SYT9: variants seen among roughly 807,000 people sequenced by gnomAD.
The protein encoded by SYT9 is synaptotagmin 9, also known as synaptotagmin-9.
Under a neutral mutation model 48.4 loss-of-function variants are expected in SYT9, and 22 were observed. The observed-to-expected ratio is 0.45, with a 90% CI of 0.32 to 0.65. The LOEUF (loss-of-function observed/expected upper bound fraction) is 0.65, where lower values mean the gene tolerates loss of function less well. Among genes scored for constraint, SYT9 ranks in the 30% least tolerant of loss-of-function variants. The pLI is 0.03. For missense variants in SYT9, 577 were observed against 622.0 expected, an observed-to-expected ratio of 0.93 and a Z score of 0.77; for synonymous variants, 265 against 245.0, an observed-to-expected ratio of 1.08 and a Z score of -0.76.
At chr11:7,424,105 C>A (rs781535689) in intron 6 of SYT9, among the ~76,000 whole-genome samples, 1 of 152,148 alleles carries the variant, frequency 6.6e-6, no homozygotes, top group Non-Finnish European at 1.5e-5. Context: ...AAACTCTGAG[C>A]CCTGCAGAGA....
chr11:7,340,860 G>C (rs1282321449), intron 3 of SYT9, among the ~76,000 whole-genome samples: 2 of 152,258 alleles, frequency 1.3e-5, no homozygotes, highest in Admixed American at 1.3e-4. Flanking sequence ...CCAGTGAGGA[G>C]ATACAGGATT....
At chr11:7,240,106 G>T (rs573028462) in intron 1 of SYT9, among the ~76,000 whole-genome samples, 1 of 152,242 alleles carries the variant, frequency 6.6e-6, no homozygotes, top group African/African-American at 2.4e-5. Flanking sequence ...TCAGGTAGAA[G>T]AGGGGAAGCC....
At chr11:7,348,051 T>A (rs1589962349) in intron 3 of SYT9, among the ~76,000 whole-genome samples, 1 of 152,228 alleles carries the variant, frequency 6.6e-6, no homozygotes, top group Non-Finnish European at 1.5e-5. Context: ...TCCTGAATAC[T>A]TGGATTTTAT....
In SYT9 at chr11:7,252,064, C is replaced by T; in HGVS notation, c.-123C>T. The T allele has an allele frequency of 8.6e-7, 1 of 1,161,880 alleles. No homozygotes were observed. The highest frequency in any genetic ancestry group is 1.1e-6 in the Non-Finnish European group (1 of 899,078). 72.0% of individuals were successfully genotyped at this position (1,161,880 alleles called of 1,614,324 possible). On this transcript the variant is annotated 5_prime_UTR_variant, in exon 1 of 7. Transcript: ENST00000318881. This position sits in a 1 kb window ranked among gnomAD's most constrained non-coding sequence, Gnocchi z 6.3. ...CTGGGGCTCGGGCTCAGGCTCGCAC[C>T]GTTTCTCGGCAGGTCCCTGGCGGTG...
intron 1 of SYT9, among the ~76,000 whole-genome samples, chr11:7,244,368 A>T (rs1847771192): frequency 6.6e-6 from 1 of 152,198 alleles, no homozygotes; most frequent in African/African-American, 2.4e-5. Flanking sequence ...GGCAAAATAG[A>T]GCTGCTCAAT....
intron 3 of SYT9, among the ~76,000 whole-genome samples, chr11:7,340,015 T>A (rs1029613996): frequency 1.3e-5 from 2 of 152,238 alleles, no homozygotes; most frequent in African/African-American, 4.8e-5. Flanking sequence ...ATTTGGCCTG[T>A]TTACATAATC....
At chr11:7,404,013 A>G (rs1462624743) in intron 3 of SYT9, among the ~76,000 whole-genome samples, 1 of 152,184 alleles carries the variant, frequency 6.6e-6, no homozygotes, top group African/African-American at 2.4e-5. Context: ...CTTTATCATA[A>G]TGTAATAGCT....
At chr11:7,428,055 AAAG>A (rs1207343675) in intron 6 of SYT9, 5 of 152,232 alleles carry the variant, frequency 3.3e-5, no homozygotes, top group Admixed American at 1.3e-4. Context: ...CTGTAGAAAA[AAAG>A]AGAGAGAGAC....
intron 6 of SYT9, among the ~76,000 whole-genome samples, chr11:7,431,446 G>A (rs56215410): frequency 0.37 from 55,999 of 152,182 alleles, 10,508 homozygotes; most frequent in Middle Eastern, 0.47. Flanking sequence ...CCGTGTGGCA[G>A]TAAAAGAAAA....
At position 7,313,712 on chromosome 11, in the gene SYT9, A is replaced by C; in HGVS notation, c.815A>C (p.His272Pro). 6.2e-7 allele frequency: 1 copy of C among 1,614,174 alleles called. No individual in the cohort carries two copies. Among genetic ancestry groups the C allele is most frequent in the Non-Finnish European group, 8.5e-7 (1 of 1,180,010 alleles). ...TTGCTTCCTGATCGGAAAACAAAAC[A>C]CCAGACTAAAGTTCACAGAAAGACC... ...IYLLPDRKTK[H>P]QTKVHRKTLN... The change falls in exon 3 of 7, where the codon CAC becomes CCC. Residue 272 changes from histidine to proline, a missense_variant. His to Pro is a moderately conservative substitution (Grantham distance 77). Transcript: ENST00000318881.
chr11:7,322,251 C>T (rs1017547549), intron 3 of SYT9, among the ~76,000 whole-genome samples: 3 of 152,194 alleles, frequency 2.0e-5, no homozygotes, highest in African/African-American at 7.2e-5. Context: ...CTGCTGCCAG[C>T]TTATAGGAGC....
At chr11:7,463,725 T>C (rs568552912) in intron 6 of SYT9, among the ~76,000 whole-genome samples, 2 of 152,260 alleles carry the variant, frequency 1.3e-5, no homozygotes, top group East Asian at 3.9e-4. Context: ...TTAGTGGCGC[T>C]GTCCAGAAGA....
intron 1 of SYT9, among the ~76,000 whole-genome samples, chr11:7,295,780 C>T (rs895126952): frequency 6.6e-6 from 1 of 152,168 alleles, no homozygotes; most frequent in African/African-American, 2.4e-5. Context: ...GTATGCCTGA[C>T]TTCTAGGCTA....
intron 1 of SYT9, among the ~76,000 whole-genome samples, chr11:7,273,781 A>G (rs752027002): frequency 1.2e-3 from 190 of 152,332 alleles, no homozygotes; most frequent in Middle Eastern, 3.4e-3. Context: ...TTTGGAGTTT[A>G]CAGCAAACTA....
chr11:7,420,824 T>C (rs560143573), intron 6 of SYT9, among the ~76,000 whole-genome samples, 189 bp downstream of exon 6: 1 of 152,274 alleles, frequency 6.6e-6, no homozygotes, highest in Admixed American at 6.5e-5. Context: ...ACCAGTCTGG[T>C]AGGTTTTGAG....
intron 1 of SYT9, among the ~76,000 whole-genome samples, chr11:7,275,611 C>G (rs1249088068): frequency 6.6e-6 from 1 of 152,134 alleles, no homozygotes; most frequent in Non-Finnish European, 1.5e-5. Context: ...CTAGAACATA[C>G]CAGCCTTCAA....
chr11:7,242,817 G>A (rs112182970), intron 1 of SYT9, among the ~76,000 whole-genome samples: 15 of 152,184 alleles, frequency 9.9e-5, no homozygotes, highest in Non-Finnish European at 1.6e-4. Flanking sequence ...AGGCTAAGGC[G>A]TGAGAATCAC....
chr11:7,310,024 T>G (rs1194127311), intron 2 of SYT9, among the ~76,000 whole-genome samples: 1 of 152,228 alleles, frequency 6.6e-6, no homozygotes, highest in East Asian at 1.9e-4. Context: ...AGAGTAAGTG[T>G]GATTCTGAAT....
intron 1 of SYT9, among the ~76,000 whole-genome samples, chr11:7,291,462 A>G (rs1589918777): frequency 6.6e-6 from 1 of 152,328 alleles, no homozygotes; most frequent in East Asian, 1.9e-4. Flanking sequence ...ATAGAATTAT[A>G]AACTGAAATG....
Sources: gnomAD v4.1 joint callset for allele counts (sites outside exome capture counted in the v4.1 genomes callset) on GRCh38, gnomAD v4.1.1 for gene constraint, Gnocchi (gnomAD v3.1) non-coding constraint, MANE v1.5 for transcripts, NCBI Gene and HGNC (gene_info 2026-07-23, HGNC 2026-07-21) for gene names.